ZNF516: variants seen among roughly 807,000 people sequenced by gnomAD.
The protein encoded by ZNF516 is zinc finger protein 516.
ZNF516 carries 19 observed loss-of-function variants against 79.7 expected under a neutral mutation model. The observed-to-expected ratio is 0.24, with a 90% CI of 0.17 to 0.35. The LOEUF (loss-of-function observed/expected upper bound fraction) is 0.35, where lower values mean the gene tolerates loss of function less well. Ranked by LOEUF, ZNF516 falls within the 10% of genes least tolerant of loss-of-function variation. The pLI, the probability that ZNF516 is intolerant of heterozygous loss-of-function variation, is 1.00. For missense variants in ZNF516, 1,678 were observed against 1,679.5 expected (o/e 1.00, Z 0.02); for synonymous variants, 877 against 739.5 (o/e 1.19, Z -3.02).
At chr18:76,381,929 C>T (rs956190681) in intron 3 of ZNF516, among the ~76,000 whole-genome samples, 34 of 152,292 alleles carry the variant, frequency 2.2e-4, no homozygotes, top group African/African-American at 7.9e-4. Context: ...GTCAGGAGTT[C>T]AAGACCAGCC....
At chr18:76,422,892 G>A (rs1295941926) in intron 3 of ZNF516, among the ~76,000 whole-genome samples, 1 of 152,164 alleles carries the variant, frequency 6.6e-6, no homozygotes, top group East Asian at 1.9e-4. Context: ...AAATCCTTAA[G>A]AAAAGCAAAG....
At chr18:76,422,029 G>A (rs990489336) in intron 3 of ZNF516, among the ~76,000 whole-genome samples, 17 of 152,096 alleles carry the variant, frequency 1.1e-4, no homozygotes, top group Non-Finnish European at 2.2e-4. Context: ...GAGTATTATC[G>A]TTATTTTAAA....
chr18:76,438,475 T>C (rs1219095503), intron 3 of ZNF516, among the ~76,000 whole-genome samples: 1 of 152,236 alleles, frequency 6.6e-6, no homozygotes, highest in South Asian at 2.1e-4. Flanking sequence ...TTTCTGTCCA[T>C]GCCACGTCTC....
intron 1 of ZNF516, among the ~76,000 whole-genome samples, chr18:76,470,054 A>G (rs1172896637): frequency 2.0e-5 from 3 of 152,242 alleles, no homozygotes; most frequent in African/African-American, 7.2e-5. Context: ...TATTATCCCA[A>G]ATAAGGATGT....
chr18:76,464,332 A>C (rs1913314406), intron 1 of ZNF516, among the ~76,000 whole-genome samples: 1 of 152,106 alleles, frequency 6.6e-6, no homozygotes, highest in African/African-American at 2.4e-5. Flanking sequence ...AGATCATACC[A>C]CTGCACTCCA....
chr18:76,456,601 G>A (rs915253545), intron 2 of ZNF516, among the ~76,000 whole-genome samples: 20 of 152,242 alleles, frequency 1.3e-4, no homozygotes, highest in African/African-American at 3.6e-4. Flanking sequence ...GCTTCCTCCC[G>A]GGAATGTGTG....
chr18:76,431,328 A>T (rs1349165582), intron 3 of ZNF516, among the ~76,000 whole-genome samples: 1 of 152,256 alleles, frequency 6.6e-6, no homozygotes, highest in Non-Finnish European at 1.5e-5. Context: ...GTCTAAACTT[A>T]TGAAATAATT....
At chr18:76,453,893 T>C (rs1318691806) in intron 2 of ZNF516, among the ~76,000 whole-genome samples, 1 of 152,250 alleles carries the variant, frequency 6.6e-6, no homozygotes, top group East Asian at 1.9e-4. Flanking sequence ...TACTATGCCA[T>C]GTAAACCAGC....
chr18:76,470,560 G>T (rs558085033), intron 1 of ZNF516, among the ~76,000 whole-genome samples: 1 of 152,216 alleles, frequency 6.6e-6, no homozygotes, highest in African/African-American at 2.4e-5. Context: ...TGTGCTCTCT[G>T]GTTTATTCTG....
chr18:76,433,432 G>A (rs1351680158), intron 3 of ZNF516, among the ~76,000 whole-genome samples: 1 of 152,226 alleles, frequency 6.6e-6, no homozygotes, highest in Non-Finnish European at 1.5e-5. Flanking sequence ...CGGATGCTGG[G>A]GACAGAGAGG....
chr18:76,369,138 G>A lies in ZNF516; in HGVS notation c.3432+1390C>T, dbSNP rs543957163. Among the ~76,000 whole-genome samples, 6 of 152,256 alleles carry A rather than the reference G, an allele frequency of 3.9e-5. No individual in the cohort carries two copies. The East Asian group carries it at 5.8e-4, about 15-fold the overall frequency. ...TTACTACATCCCACAAACACATCAC[G>A]GTGACTGTTTGTGGCAAGAGGGTTT... On this transcript the variant is annotated intron_variant, in intron 6 of 6. Coordinates refer to ENST00000443185, the MANE Select transcript of ZNF516 (RefSeq NM_014643.4).
At chr18:76,378,763 A>T in intron 4 of ZNF516, 92 bp downstream of exon 4, 2 of 1,492,732 alleles carry the variant, frequency 1.3e-6, no homozygotes, top group Non-Finnish European at 1.8e-6. Context: ...CCTCAGGGAC[A>T]TGGACAGGCA....
intron 3 of ZNF516, among the ~76,000 whole-genome samples, chr18:76,397,178 G>C (rs1309230953): frequency 6.6e-6 from 1 of 152,162 alleles, no homozygotes; most frequent in East Asian, 1.9e-4. Flanking sequence ...CAAACACCAA[G>C]GCCATGGAGT....
At chr18:76,410,962 T>C (rs1256775027) in intron 3 of ZNF516, among the ~76,000 whole-genome samples, 1 of 152,098 alleles carries the variant, frequency 6.6e-6, no homozygotes, top group Non-Finnish European at 1.5e-5. Flanking sequence ...TGAGAAGAAC[T>C]TGCATGTCCT....
At chr18:76,455,456 G>A (rs766607453) in intron 2 of ZNF516, among the ~76,000 whole-genome samples, 54 of 152,180 alleles carry the variant, frequency 3.5e-4, no homozygotes, top group Admixed American at 1.3e-4. Flanking sequence ...GGGACAGATG[G>A]AGGCTGGAAA....
At chr18:76,371,031 A>G (rs1027866919) in intron 5 of ZNF516, among the ~76,000 whole-genome samples, 4 of 152,156 alleles carry the variant, frequency 2.6e-5, no homozygotes, top group African/African-American at 9.7e-5. Context: ...ATAAGGGCTG[A>G]GGGATTTTGC....
chr18:76,396,427 A>T (rs1184070853), intron 3 of ZNF516, among the ~76,000 whole-genome samples: 1 of 152,188 alleles, frequency 6.6e-6, no homozygotes, highest in Non-Finnish European at 1.5e-5. Context: ...ACTGCATTCA[A>T]AATCATTTCA....
intron 2 of ZNF516, among the ~76,000 whole-genome samples, chr18:76,446,574 G>A (rs1282984750): frequency 1.3e-5 from 2 of 152,086 alleles, no homozygotes; most frequent in African/African-American, 2.4e-5. Flanking sequence ...CGGTACCCCC[G>A]CCCTAGCTAG....
chr18:76,382,692 C>G (rs547800012), intron 3 of ZNF516, among the ~76,000 whole-genome samples: 1 of 152,170 alleles, frequency 6.6e-6, no homozygotes, highest in African/African-American at 2.4e-5. Flanking sequence ...GGGCAGATCA[C>G]TTGGGGCCAG....
Sources: gnomAD v4.1 joint callset for allele counts (sites outside exome capture counted in the v4.1 genomes callset) on GRCh38, gnomAD v4.1.1 for gene constraint, MANE v1.5 for transcripts, NCBI Gene and HGNC (gene_info 2026-07-23, HGNC 2026-07-21) for gene names.